The following LIMCH1 variants were observed in gnomAD, a reference collection of about 807,000 sequenced individuals.
The protein encoded by LIMCH1 is LIM and calponin homology domains 1.
In LIMCH1, 113 loss-of-function variants were observed where a neutral mutation model predicts 176.5. That is an observed-to-expected ratio of 0.64 (90% confidence interval 0.55 to 0.75). LIMCH1 has a LOEUF of 0.75. Among genes scored for constraint, LIMCH1 ranks in the 30% least tolerant of loss-of-function variants. LIMCH1 has a pLI of 0.00. For synonymous variants in LIMCH1, 619 were observed against 645.9 expected (o/e 0.96, Z 0.63); for missense variants, 1,674 against 1,814.9 (o/e 0.92, Z 1.41).
Position 41,605,912 on chromosome 4 carries a change from T to C in LIMCH1, c.-84T>C, listed in dbSNP as rs2090642327. 6.2e-7 allele frequency: 1 copy of C among 1,612,984 alleles called. No individual in the cohort carries two copies. Among genetic ancestry groups the C allele is most frequent in the African/African-American group, 1.3e-5 (1 of 74,912 alleles). ...TCCACAGGTATTAGTTACCATTTAC[T>C]GGCTGGGAAAAGCAGCAAACAGCTG... is the stretch of plus-strand genomic sequence containing the variant. On this transcript the variant is annotated 5_prime_UTR_variant, in exon 4 of 32. Coordinates refer to ENST00000503057, the MANE Select transcript of LIMCH1 (RefSeq NM_001330672.2).
intron 1 of LIMCH1, among the ~76,000 whole-genome samples, chr4:41,465,946 G>C (rs2066043530): frequency 7.1e-6 from 1 of 141,280 alleles, no homozygotes; most frequent in African/African-American, 2.6e-5. Flanking sequence ...GAGATTTACT[G>C]TTTGGCTCTT....
At chr4:41,658,194 T>C (rs1562116401) in intron 18 of LIMCH1, among the ~76,000 whole-genome samples, 1 of 152,190 alleles carries the variant, frequency 6.6e-6, no homozygotes, top group Non-Finnish European at 1.5e-5. Context: ...ATCATGTTGG[T>C]ACCTACCTCC....
At chr4:41,596,074 C>T (rs1320064097) in intron 1 of LIMCH1, among the ~76,000 whole-genome samples, 1 of 145,762 alleles carries the variant, frequency 6.9e-6, no homozygotes, top group Non-Finnish European at 1.5e-5. Context: ...AAAAAGTTCA[C>T]CAGCAAGCTT....
At chr4:41,491,018 G>A (rs540192300) in intron 1 of LIMCH1, among the ~76,000 whole-genome samples, 35 of 143,088 alleles carry the variant, frequency 2.4e-4, no homozygotes, top group Admixed American at 1.3e-3. Flanking sequence ...GGGGCGGCTG[G>A]GCAGAGGTGC....
At chr4:41,574,097 G>T (rs1461639404) in intron 1 of LIMCH1, among the ~76,000 whole-genome samples, 2 of 152,090 alleles carry the variant, frequency 1.3e-5, no homozygotes, top group Non-Finnish European at 2.9e-5. Flanking sequence ...GTTGAACTAG[G>T]TTTATTCCAG....
At chr4:41,668,948 A>G (rs1423850968) in intron 21 of LIMCH1, among the ~76,000 whole-genome samples, 1 of 152,032 alleles carries the variant, frequency 6.6e-6, no homozygotes, top group Non-Finnish European at 1.5e-5. Flanking sequence ...CACAAGAAAG[A>G]CCCACCCTCA....
upstream of LIMCH1, among the ~76,000 whole-genome samples, chr4:41,360,175 A>G (rs939844740): frequency 6.6e-6 from 1 of 152,122 alleles, no homozygotes; most frequent in Non-Finnish European, 1.5e-5. This position sits in a 1 kb window ranked among gnomAD's most constrained non-coding sequence, Gnocchi z 4.5. Context: ...GGAGAAGAAA[A>G]GCTCATCAGG....
At chr4:41,632,701 C>G (rs2093388190) in intron 10 of LIMCH1, 48 bp from the exon 11 acceptor site, 4 of 1,431,008 alleles carry the variant, frequency 2.8e-6, no homozygotes, top group Non-Finnish European at 2.9e-6. Flanking sequence ...CTTTCGTAAC[C>G]CATGTTCCTC....
At chr4:41,534,977 A>G (rs944683134), upstream of LIMCH1, among the ~76,000 whole-genome samples, 1 of 152,038 alleles carries the variant, frequency 6.6e-6, no homozygotes, top group Non-Finnish European at 1.5e-5. Context: ...CCTAGGCAAC[A>G]TGGCAAAATC....
intron 7 of LIMCH1, among the ~76,000 whole-genome samples, chr4:41,626,018 TA>T (rs908745555): frequency 6.6e-6 from 1 of 151,198 alleles, no homozygotes; most frequent in African/African-American, 2.4e-5. Flanking sequence ...CCCTGTCTCT[TA>T]AAAAAAAGAA....
chr4:41,584,547 G>A (rs1412988492), intron 1 of LIMCH1, among the ~76,000 whole-genome samples: 1 of 152,136 alleles, frequency 6.6e-6, no homozygotes, highest in Non-Finnish European at 1.5e-5. Context: ...GAATTTCTCA[G>A]AACTGTTAGT....
rs1731460887 is a variant in LIMCH1 at position 41,697,401 on chromosome 4, T to C, written c.*216T>C. 7.7e-6 allele frequency: 4 copies of C among 519,650 alleles called. No homozygotes were observed. The East Asian group carries it at 1.2e-4, about 15-fold the overall frequency. 32.2% of individuals were successfully genotyped at this position (519,650 alleles called of 1,614,324 possible). A position where few individuals can be genotyped will look rare whatever the true frequency, so the allele number is the denominator to read the frequency against. ...TTTTTTTTTTTGCATTTGCACAGTA[T>C]ACACAAAAGAATATGGGGTTGTAAT... is the stretch of plus-strand genomic sequence containing the variant. On this transcript the variant is annotated 3_prime_UTR_variant, in exon 32 of 32. Coordinates refer to ENST00000503057, the MANE Select transcript of LIMCH1 (RefSeq NM_001330672.2).
intron 1 of LIMCH1, among the ~76,000 whole-genome samples, chr4:41,590,047 C>G (rs935501438): frequency 2.0e-5 from 3 of 152,148 alleles, no homozygotes. Context: ...TCATATCTTC[C>G]CCCTCTGGTT....
chr4:41,682,441 C>T lies in LIMCH1; in HGVS notation c.3826C>T (p.Arg1276Ter), dbSNP rs1326732613. Residue 1276 changes from arginine (R) to a stop codon, truncating the protein, a stop_gained, in exon 26 of 32, where the codon CGA becomes TGA. Coordinates refer to ENST00000503057, the MANE Select transcript of LIMCH1 (RefSeq NM_001330672.2). LOFTEE classifies it high-confidence loss of function. ...DLLLKTRESD[R>*]LEEKGSLTEG... ...ATTGCTGAAGACTAGGGAAAGTGATCGACTGGAGGAGAAGGGCAGGTATGA... is the reference window on the plus strand; with the variant it reads ...ATTGCTGAAGACTAGGGAAAGTGATTGACTGGAGGAGAAGGGCAGGTATGA... 4 of 1,612,594 alleles carry T rather than the reference C, an allele frequency of 2.5e-6. No homozygotes were observed. Among genetic ancestry groups the T allele is most frequent in the Non-Finnish European group, 3.4e-6 (4 of 1,179,114 alleles).
chr4:41,468,602 T>G (rs2066505393), intron 1 of LIMCH1, among the ~76,000 whole-genome samples: 1 of 151,812 alleles, frequency 6.6e-6, no homozygotes, highest in South Asian at 2.1e-4. Context: ...TTTAGAGGTG[T>G]TACATAGTAG....
chr4:41,360,668 G>C, upstream of LIMCH1: 1 of 332,158 alleles, frequency 3.0e-6, no homozygotes, highest in Non-Finnish European at 5.3e-6. The surrounding 1 kb of genome is among the most constrained non-coding windows in gnomAD (Gnocchi z 4.5). Context: ...GGGAACAGCT[G>C]CCGCGGCGTC....
At chr4:41,588,544 G>T (rs112386040) in intron 1 of LIMCH1, among the ~76,000 whole-genome samples, 34 of 152,252 alleles carry the variant, frequency 2.2e-4, no homozygotes, top group African/African-American at 7.7e-4. Flanking sequence ...AGGGACTTAG[G>T]GTGATAAATA....
At chr4:41,526,666 C>G (rs2076690887) in intron 3 of LIMCH1, among the ~76,000 whole-genome samples, 1 of 152,196 alleles carries the variant, frequency 6.6e-6, no homozygotes, top group Middle Eastern at 3.2e-3. Flanking sequence ...ATCAAGTACT[C>G]TCTCCTGAAC....
At chr4:41,620,255 T>A in intron 6 of LIMCH1, 169 bp from the exon 7 acceptor site, 1 of 669,370 alleles carries the variant, frequency 1.5e-6, no homozygotes, top group Admixed American at 3.3e-5. Context: ...ATGCATTGTA[T>A]GAATTAAATG....
Sources: allele counts gnomAD v4.1 joint callset (sites outside exome capture counted in the v4.1 genomes callset), GRCh38; gene constraint gnomAD v4.1.1; non-coding constraint Gnocchi (gnomAD v3.1); transcripts MANE v1.5; gene names NCBI Gene and HGNC (gene_info 2026-07-23, HGNC 2026-07-21).